Variants in CA3 observed in about 807,000 individuals in gnomAD.
CA3 encodes the protein carbonic anhydrase 3.
Under a neutral mutation model 35.7 loss-of-function variants are expected in CA3, and 30 were observed. That is an observed-to-expected ratio of 0.84 (90% CI 0.63 to 1.14). The LOEUF (loss-of-function observed/expected upper bound fraction) is 1.14, where lower values mean the gene tolerates loss of function less well. CA3 is among the 50% of genes most tolerant of loss of function. CA3 has a pLI of 0.00. For missense variants in CA3, 295 were observed against 328.5 expected (o/e 0.90, Z 0.79); for synonymous variants, 131 against 130.8 (o/e 1.00, Z -0.01).
At chr8:85,441,257 A>G (rs577739641) in intron 2 of CA3, among the ~76,000 whole-genome samples, 11 of 152,286 alleles carry the variant, frequency 7.2e-5, no homozygotes, top group African/African-American at 2.4e-4. Context: ...CATAGTTTCC[A>G]ATATACTTTG....
At position 85,438,907 on chromosome 8, in the gene CA3, A is replaced by G. The variant is rs1487558610; in HGVS notation, c.-3A>G. 3.2e-6 allele frequency: 5 copies of G among 1,550,966 alleles called. No homozygotes were observed. Among genetic ancestry groups the G allele is most frequent in the Non-Finnish European group, 4.4e-6 (5 of 1,146,992 alleles). ...GAGCCGTCCAGCACGGAGGAAGGCGACCATGGCCAAGGAGTGGGGCTACGC... is the reference window on the plus strand; with the variant it reads ...GAGCCGTCCAGCACGGAGGAAGGCGGCCATGGCCAAGGAGTGGGGCTACGC... On this transcript the variant is annotated 5_prime_UTR_variant, in exon 1 of 7. Coordinates refer to ENST00000285381, the MANE Select transcript of CA3 (RefSeq NM_005181.4).
chr8:85,439,720 C>G lies in CA3; in HGVS notation c.43C>G (p.His15Asp). ...WGYASHNGPD[H>D]WHELFPNAKG... The stretch of plus-strand genomic sequence containing the variant: ...TCGACTTTATTTCCTAGGTCCTGAC[C>G]ACTGGCATGAACTTTTCCCAAATGC... Residue 15 changes from histidine (H) to aspartate (D), a missense_variant, in exon 2 of 7, where the codon CAC becomes GAC. By Grantham distance (81) the His-to-Asp change is moderately conservative. Coordinates refer to ENST00000285381, the MANE Select transcript of CA3 (RefSeq NM_005181.4). 6.2e-7 allele frequency: 1 copy of G among 1,613,074 alleles called. No individual in the cohort carries two copies. Among genetic ancestry groups the G allele is most frequent in the Non-Finnish European group, 8.5e-7 (1 of 1,179,476 alleles).
At chr8:85,442,049 T>A in intron 2 of CA3, 24 bp from the exon 3 acceptor site, 1 of 1,120,246 alleles carries the variant, frequency 8.9e-7, no homozygotes, top group Non-Finnish European at 1.4e-6. Flanking sequence ...AATTCACTGT[T>A]GACCAAGCTT....
chr8:85,446,047 G>C, intron 5 of CA3, 95 bp from the exon 6 acceptor site: 9 of 1,146,102 alleles, frequency 7.9e-6, no homozygotes, highest in Non-Finnish European at 1.1e-5. Context: ...TATTGCATTT[G>C]AAATTCATTC....
chr8:85,446,970 C>T (rs1273874448), intron 6 of CA3, among the ~76,000 whole-genome samples: 1 of 152,176 alleles, frequency 6.6e-6, no homozygotes, highest in Non-Finnish European at 1.5e-5. Flanking sequence ...AAGTAAACAA[C>T]ACAGGGACTC....
chr8:85,446,325 T>G, intron 6 of CA3, 28 bp downstream of exon 6: 8 of 1,598,474 alleles, frequency 5.0e-6, no homozygotes, highest in Non-Finnish European at 6.0e-6. Context: ...CACGTGGGCT[T>G]ATGTTGCTGT....
chr8:85,448,893 A>T lies in CA3; in HGVS notation c.*740A>T, dbSNP rs2130514362. ...TTAATTTCACTACATTTTTCTTTGC[A>T]TGATTATTAAAATAAAAACTGCCTC... On this transcript the variant is annotated 3_prime_UTR_variant, in exon 7 of 7. Coordinates refer to ENST00000285381, the MANE Select transcript of CA3 (RefSeq NM_005181.4). The T allele has an allele frequency of 6.6e-6, 1 of 152,302 alleles. No homozygotes were observed. Among genetic ancestry groups the T allele is most frequent in the Non-Finnish European group, 1.5e-5 (1 of 68,030 alleles). 9.4% of individuals were successfully genotyped at this position (152,302 alleles called of 1,614,324 possible).
At position 85,439,842 on chromosome 8, in the gene CA3, T is replaced by C; in HGVS notation, c.165T>C (p.Ser55=). 4 of 1,614,060 alleles carry C rather than the reference T, an allele frequency of 2.5e-6. No individual in the cohort carries two copies. Among genetic ancestry groups the C allele is most frequent in the Non-Finnish European group, 3.4e-6 (4 of 1,179,996 alleles). ...QPWSVSYDGG[S]AKTILNNGKT... ...GGTCTGTGTCTTATGATGGTGGCTC[T>C]GCCAAGACCATCCTGAATAATGGGA... The change falls in exon 2 of 7, where the codon TCT becomes TCC. Residue 55 remains serine (S), a synonymous_variant. Coordinates refer to ENST00000285381, the MANE Select transcript of CA3 (RefSeq NM_005181.4).
In CA3 at chr8:85,444,187, A is replaced by G. The variant is rs1811246641; in HGVS notation, c.444+61A>G. The G allele has an allele frequency of 2.8e-6, 3 of 1,059,006 alleles. No individual in the cohort carries two copies. In the South Asian group the frequency reaches 4.0e-5, roughly 14 times the overall value. The allele number at this position is 1,059,006 out of a possible 1,614,324, so 65.6% of individuals were successfully genotyped here. A position where few individuals can be genotyped will look rare whatever the true frequency, so the allele number is the denominator to read the frequency against. The stretch of plus-strand genomic sequence containing the variant: ...ATGTATTTCCCTGCCAATGGTTAGC[A>G]TAGTTTGAGTTTCATTTCCTCATTT... On this transcript the variant is annotated intron_variant, in intron 4 of 6. Transcript: ENST00000285381.
chr8:85,446,069 G>T, intron 5 of CA3, 73 bp from the exon 6 acceptor site: 2 of 1,285,418 alleles, frequency 1.6e-6, no homozygotes, highest in South Asian at 1.6e-5. Flanking sequence ...TACAAATAAA[G>T]TGGTGAGGGC....
At chr8:85,442,873 T>C (rs118140738) in intron 3 of CA3, among the ~76,000 whole-genome samples, 1 of 152,116 alleles carries the variant, frequency 6.6e-6, no homozygotes, top group Non-Finnish European at 1.5e-5. Flanking sequence ...AGGTTACAGA[T>C]GAGGAAACAG....
chr8:85,443,410 C>T (rs1317444825), intron 3 of CA3, among the ~76,000 whole-genome samples: 2 of 152,172 alleles, frequency 1.3e-5, no homozygotes, highest in Non-Finnish European at 2.9e-5. Flanking sequence ...CTCAGAAACA[C>T]ACTATGAACA....
chr8:85,444,252 A>G (rs773194476), intron 4 of CA3, 126 bp downstream of exon 4: 2 of 646,654 alleles, frequency 3.1e-6, no homozygotes, highest in Non-Finnish European at 2.7e-6. Flanking sequence ...TATTCATTCA[A>G]CTAATCAAGA....
chr8:85,446,139 C>A lies in CA3; in HGVS notation c.508-3C>A. 6.2e-7 allele frequency: 1 copy of A among 1,602,782 alleles called. No individual in the cohort carries two copies. Among genetic ancestry groups the A allele is most frequent in the East Asian group, 2.2e-5 (1 of 44,458 alleles). ...ACTGCACCTGCAACCTGCTCTTACC[C>A]AGGGCAAGGAGGCGCCCTTCACAAA... On this transcript the variant is annotated splice_polypyrimidine_tract_variant and splice_region_variant and intron_variant, in intron 5 of 6. Coordinates refer to ENST00000285381, the MANE Select transcript of CA3 (RefSeq NM_005181.4).
chr8:85,444,935 T>C (rs1811261373), intron 4 of CA3, among the ~76,000 whole-genome samples: 1 of 152,198 alleles, frequency 6.6e-6, no homozygotes, highest in Admixed American at 6.5e-5. Context: ...ACGTGTAATT[T>C]TGTGGTCCTG....
At chr8:85,446,713 C>A in intron 6 of CA3, among the ~76,000 whole-genome samples, 1 of 152,208 alleles carries the variant, frequency 6.6e-6, no homozygotes, top group Admixed American at 6.5e-5. Flanking sequence ...ATTATTTCTG[C>A]AGTTTTACAG....
At position 85,444,049 on chromosome 8, in the gene CA3, T is replaced by C; in HGVS notation, c.367T>C (p.Trp123Arg). Reference protein sequence around the residue: ...KYAAELHLVHWNPKYNTFKEA... With the variant: ...KYAAELHLVHRNPKYNTFKEA... The stretch of plus-strand genomic sequence containing the variant: ...ATGGTTTCAGCTTCATTTGGTTCAC[T>C]GGAACCCGAAGTATAACACTTTTAA... Residue 123 changes from tryptophan to arginine, a missense_variant, in exon 4 of 7, where the codon TGG (tryptophan) becomes CGG (arginine). Transcript: ENST00000285381. 6.2e-7 allele frequency: 1 copy of C among 1,612,480 alleles called. No homozygotes were observed. Among genetic ancestry groups the C allele is most frequent in the Non-Finnish European group, 8.5e-7 (1 of 1,178,428 alleles).
chr8:85,441,991 T>G, intron 2 of CA3, 82 bp from the exon 3 acceptor site: 2 of 806,016 alleles, frequency 2.5e-6, no homozygotes, highest in African/African-American at 1.7e-5. Flanking sequence ...CATTAAGCCT[T>G]GGCTCTAAGA....
rs1176243435 is a variant in CA3 at position 85,448,678 on chromosome 8, A to G, written c.*525A>G. ...CTAATAATATGTTTTAACTCTTAAC[A>G]CCAGCAAGAAGTCAGTCATTTATTG... On this transcript the variant is annotated 3_prime_UTR_variant, in exon 7 of 7. Transcript: ENST00000285381. 1 of 152,224 alleles carries G rather than the reference A, an allele frequency of 6.6e-6. No homozygotes were observed. The highest frequency in any genetic ancestry group is 2.4e-5 in the African/African-American group (1 of 41,462). The allele number at this position is 152,224 out of a possible 1,614,324, so 9.4% of individuals were successfully genotyped here. A position where few individuals can be genotyped will look rare whatever the true frequency, so the allele number is the denominator to read the frequency against.
Sources: allele counts gnomAD v4.1 joint callset (sites outside exome capture counted in the v4.1 genomes callset), GRCh38; gene constraint gnomAD v4.1.1; transcripts MANE v1.5; gene names NCBI Gene and HGNC (gene_info 2026-07-23, HGNC 2026-07-21).